Variants in ARHGEF1 observed in about 807,000 individuals in gnomAD.
ARHGEF1 encodes the protein Rho guanine nucleotide exchange factor 1.
A neutral mutation model predicts 119.7 loss-of-function variants in ARHGEF1; 40 were observed. That is an observed-to-expected ratio of 0.33 (90% CI 0.26 to 0.44). ARHGEF1 has a LOEUF of 0.44. Ranked by LOEUF, ARHGEF1 falls within the 20% of genes least tolerant of loss-of-function variation. The pLI is 1.00. For missense variants in ARHGEF1, 976 were observed against 1,268.3 expected, an observed-to-expected ratio of 0.77 and a Z score of 3.50; for synonymous variants, 494 against 521.0, an observed-to-expected ratio of 0.95 and a Z score of 0.71.
intron 18 of ARHGEF1, among the ~76,000 whole-genome samples, chr19:41,915,458 C>T (rs2074795190): frequency 6.6e-6 from 1 of 151,792 alleles, no homozygotes; most frequent in African/African-American, 2.4e-5. Flanking sequence ...TCTTGGTTCC[C>T]ACGTCGTCTC....
At chr19:41,886,957 G>A (rs903474125) in intron 1 of ARHGEF1, among the ~76,000 whole-genome samples, 6 of 152,190 alleles carry the variant, frequency 3.9e-5, no homozygotes, top group South Asian at 2.1e-4. Context: ...AGAAGATGTC[G>A]GTGGAAAGAC....
rs2288510 is a variant in ARHGEF1 at position 41,895,556 on chromosome 19, G to A, written c.1015+70G>A. The A allele has an allele frequency of 0.048, 72,010 of 1,495,336 alleles. 14,650 individuals carry two copies. The African/African-American group carries it at 0.59, about 12-fold the overall frequency. The allele number at this position is 1,495,336 out of a possible 1,614,324, so 92.6% of individuals were successfully genotyped here. A position where few individuals can be genotyped will look rare whatever the true frequency, so the allele number is the denominator to read the frequency against. ...GGGTGGGGGTGCTGCCTGCCCCCTT[G>A]GCACCCCCAGATAGAAGCCATTCCC... On this transcript the variant is annotated intron_variant, in intron 12 of 28. Transcript: ENST00000354532.
intron 13 of ARHGEF1, 80 bp from the exon 14 acceptor site, chr19:41,898,362 G>A (rs1020557914): frequency 1.5e-5 from 23 of 1,543,670 alleles, no homozygotes; most frequent in Admixed American, 5.9e-5. Flanking sequence ...GCCACTGACC[G>A]GGGTTGAACG....
Position 41,906,051 on chromosome 19 carries a change from T to A in ARHGEF1, c.2491+26T>A. On this transcript the variant is annotated intron_variant, in intron 26 of 28. Coordinates refer to ENST00000354532, the MANE Select transcript of ARHGEF1 (RefSeq NM_004706.4). The surrounding 1 kb of genome is among the most constrained non-coding windows in gnomAD (Gnocchi z 4.5). ...GTAGCCCAGCTCTGCCCCTCCAGGGTGGCCACCAGCCCAAACAGTGCCTCT... is the reference window on the plus strand; with the variant it reads ...GTAGCCCAGCTCTGCCCCTCCAGGGAGGCCACCAGCCCAAACAGTGCCTCT... 6.2e-7 allele frequency: 1 copy of A among 1,607,534 alleles called. No individual in the cohort carries two copies. The highest frequency in any genetic ancestry group is 8.5e-7 in the Non-Finnish European group (1 of 1,175,052).
At chr19:41,907,523 AC>A, downstream of ARHGEF1, 1 of 963,836 alleles carries the variant, frequency 1.0e-6, no homozygotes. Flanking sequence ...TCTGGCGTTG[AC>A]ATCCTGGGTC....
At position 41,905,120 on chromosome 19, in the gene ARHGEF1, C is replaced by T. The variant is rs1568824973; in HGVS notation, c.2250-55C>T. ...AGGGACAGGAGGGCTGTGGGGAGGC[C>T]CTGGCATAGGGTCTGGGGGCTCTGA... On this transcript the variant is annotated intron_variant, in intron 23 of 28. Coordinates refer to ENST00000354532, the MANE Select transcript of ARHGEF1 (RefSeq NM_004706.4). This position sits in a 1 kb window ranked among gnomAD's most constrained non-coding sequence, Gnocchi z 6.4. 6.2e-7 allele frequency: 1 copy of T among 1,611,272 alleles called. No homozygotes were observed. Among genetic ancestry groups the T allele is most frequent in the East Asian group, 2.2e-5 (1 of 44,866 alleles).
At chr19:41,926,296 A>G (rs1343427645) in intron 1 of ARHGEF1, among the ~76,000 whole-genome samples, 12 of 151,868 alleles carry the variant, frequency 7.9e-5, no homozygotes, top group African/African-American at 2.7e-4. Context: ...GTGAGAGGAA[A>G]TAGGTGTTAC....
chr19:41,894,775 G>A, intron 11 of ARHGEF1, 114 bp downstream of exon 11: 1 of 1,314,244 alleles, frequency 7.6e-7, no homozygotes, highest in Non-Finnish European at 1.1e-6. Flanking sequence ...TGGTTCTGAG[G>A]GAGGAGGGGA....
chr19:41,903,665 A>G lies in ARHGEF1; in HGVS notation c.1840-42A>G. The G allele has an allele frequency of 1.3e-6, 2 of 1,598,796 alleles. No individual in the cohort carries two copies. The highest frequency in any genetic ancestry group is 1.7e-6 in the Non-Finnish European group (2 of 1,170,632). On this transcript the variant is annotated intron_variant, in intron 19 of 28. Transcript: ENST00000354532. This position sits in a 1 kb window ranked among gnomAD's most constrained non-coding sequence, Gnocchi z 4.2. Reference sequence around the variant, plus strand: ...ATGTGGGTCACTGCAGGTCAGCCCCAGCACTTAGCTTGTCCCCATAATGCT... The same window carrying G: ...ATGTGGGTCACTGCAGGTCAGCCCCGGCACTTAGCTTGTCCCCATAATGCT...
chr19:41,912,819 G>C, intron 18 of ARHGEF1: 1 of 861,902 alleles, frequency 1.2e-6, no homozygotes, highest in Non-Finnish European at 1.5e-6. Flanking sequence ...CCTGAGGGGT[G>C]GGGGAAGGGG....
In ARHGEF1 at chr19:41,903,394, T is replaced by TG; in HGVS notation, c.1828dup (p.Glu610GlyfsTer51). On this transcript the variant is annotated frameshift_variant, in exon 19 of 29. Coordinates refer to ENST00000354532, the MANE Select transcript of ARHGEF1 (RefSeq NM_004706.4). LOFTEE classifies it high-confidence loss of function. The surrounding 1 kb of genome is among the most constrained non-coding windows in gnomAD (Gnocchi z 4.2). ...CACGTCAACCAAGCCGTGCGTGACA[T>TG]GGAGGACCTGCTGGTGAGCCTGGGC... 1 of 1,613,962 alleles carries TG rather than the reference T, an allele frequency of 6.2e-7. No individual in the cohort carries two copies. The highest frequency in any genetic ancestry group is 8.5e-7 in the Non-Finnish European group (1 of 1,180,020).
chr19:41,884,217 C>T (rs2074259119), intron 1 of ARHGEF1, among the ~76,000 whole-genome samples: 1 of 152,200 alleles, frequency 6.6e-6, no homozygotes, highest in Non-Finnish European at 1.5e-5. Flanking sequence ...AGTCGAGATA[C>T]GGAAACGCTG....
rs782027804 is a variant in ARHGEF1, at chr19:41,903,296, C to T, written c.1739-11C>T. The T allele has an allele frequency of 1.0e-4, 168 of 1,613,374 alleles. 1 individual carries two copies. The highest frequency in any genetic ancestry group is 1.4e-4 in the Non-Finnish European group (164 of 1,179,714). On this transcript the variant is annotated splice_polypyrimidine_tract_variant and intron_variant, in intron 18 of 28. Coordinates refer to ENST00000354532, the MANE Select transcript of ARHGEF1 (RefSeq NM_004706.4). This position sits in a 1 kb window ranked among gnomAD's most constrained non-coding sequence, Gnocchi z 4.2. ...GGGGTTCACCAGAGCTGCTCTCTCC[C>T]TTGCCTGCAGAAGAGCCCACAGAAC... is the stretch of plus-strand genomic sequence containing the variant.
At chr19:41,884,413 A>AG in intron 1 of ARHGEF1, 2 of 1,597,528 alleles carry the variant, frequency 1.3e-6, no homozygotes, top group South Asian at 1.1e-5. Context: ...ACGCGGCGGC[A>AG]GGGGTGGGGA....
At chr19:41,925,390 C>T (rs541803745) in intron 1 of ARHGEF1, among the ~76,000 whole-genome samples, 4 of 151,980 alleles carry the variant, frequency 2.6e-5, no homozygotes, top group African/African-American at 7.2e-5. Flanking sequence ...ATACAGGTGA[C>T]GCAGATACCT....
rs2074664963 is a variant in ARHGEF1 at position 41,904,876 on chromosome 19, C to T, written c.2162-73C>T. ...GCGCCACCACTGTGGGTGACTTCTC[C>T]AGCTTGTGCTTAGGGAGGGGCAGGC... On this transcript the variant is annotated intron_variant, in intron 22 of 28. Transcript: ENST00000354532. The surrounding 1 kb of genome is among the most constrained non-coding windows in gnomAD (Gnocchi z 8.4). 3.0e-6 allele frequency: 4 copies of T among 1,333,402 alleles called. No individual in the cohort carries two copies. The highest frequency in any genetic ancestry group is 4.3e-6 in the Non-Finnish European group (4 of 927,722). 82.6% of individuals were successfully genotyped at this position (1,333,402 alleles called of 1,614,324 possible). A position where few individuals can be genotyped will look rare whatever the true frequency, so the allele number is the denominator to read the frequency against.
At chr19:41,884,698 A>C (rs2074267612) in intron 1 of ARHGEF1, among the ~76,000 whole-genome samples, 1 of 152,032 alleles carries the variant, frequency 6.6e-6, no homozygotes, top group Admixed American at 6.5e-5. Flanking sequence ...CCAGCCCCCC[A>C]TGGAGAACTG....
chr19:41,913,518 G>C (rs2074767180), intron 18 of ARHGEF1, among the ~76,000 whole-genome samples: 1 of 151,614 alleles, frequency 6.6e-6, no homozygotes, highest in African/African-American at 2.4e-5. Context: ...GCTGCAGGGG[G>C]GCAGGCCCAG....
chr19:41,913,505 C>T (rs1451119808), intron 18 of ARHGEF1, among the ~76,000 whole-genome samples: 3 of 151,656 alleles, frequency 2.0e-5, no homozygotes, highest in African/African-American at 2.4e-5. Flanking sequence ...CCGCCCAGGA[C>T]GGGCTGCAGG....
Sources: gnomAD v4.1 joint callset for allele counts (sites outside exome capture counted in the v4.1 genomes callset) on GRCh38, gnomAD v4.1.1 for gene constraint, Gnocchi (gnomAD v3.1) non-coding constraint, MANE v1.5 for transcripts, NCBI Gene and HGNC (gene_info 2026-07-23, HGNC 2026-07-21) for gene names.